The following NCF2 variants were observed in gnomAD, a reference collection of about 807,000 sequenced individuals.
The protein encoded by NCF2 is neutrophil cytosol factor 2.
NCF2 carries 45 observed loss-of-function variants against 70.9 expected under a neutral mutation model. The observed-to-expected ratio is 0.63, with a 90% CI of 0.50 to 0.81. NCF2 has a LOEUF of 0.81. Ranked by LOEUF, NCF2 falls within the 40% of genes least tolerant of loss-of-function variation. NCF2 has a pLI of 0.00. For synonymous variants in NCF2, 203 were observed against 233.6 expected, an observed-to-expected ratio of 0.87 and a Z score of 1.19; for missense variants, 522 against 631.6, an observed-to-expected ratio of 0.83 and a Z score of 1.86.
chr1:183,569,648 G>A (rs190318522), intron 6 of NCF2, among the ~76,000 whole-genome samples: 53 of 152,278 alleles, frequency 3.5e-4, no homozygotes, highest in African/African-American at 1.2e-3. Flanking sequence ...GAGTGCAGTG[G>A]CGCGATCTTG....
chr1:183,556,574 C>G (rs1572142860), intron 14 of NCF2, among the ~76,000 whole-genome samples: 1 of 152,242 alleles, frequency 6.6e-6, no homozygotes, highest in Admixed American at 6.5e-5. Flanking sequence ...CACTGTCACC[C>G]AGGCTGGAGT....
intron 2 of NCF2, among the ~76,000 whole-genome samples, chr1:183,577,938 T>A (rs1260051340): frequency 1.3e-5 from 2 of 152,196 alleles, no homozygotes; most frequent in East Asian, 3.8e-4. Flanking sequence ...GAGTGCCTCG[T>A]CTTGGACAGT....
chr1:183,587,017 CAGTG>C, intron 1 of NCF2, 40 bp from the exon 2 acceptor site: 1 of 1,574,192 alleles, frequency 6.4e-7, no homozygotes, highest in Non-Finnish European at 8.7e-7. Context: ...TGATGCAAGG[CAGTG>C]AGGAGGTGTG....
At chr1:183,580,560 G>A (rs1308934272) in intron 2 of NCF2, among the ~76,000 whole-genome samples, 2 of 152,146 alleles carry the variant, frequency 1.3e-5, no homozygotes, top group African/African-American at 2.4e-5. Flanking sequence ...ACCTACCAAC[G>A]TGCCTTCCTC....
At chr1:183,569,448 T>A (rs1672451090) in intron 6 of NCF2, among the ~76,000 whole-genome samples, 1 of 152,218 alleles carries the variant, frequency 6.6e-6, no homozygotes, top group Non-Finnish European at 1.5e-5. Flanking sequence ...TTCTGGAGGT[T>A]AGCAGTCACA....
At chr1:183,579,562 T>TAAAAATAA (rs1294041085) in intron 2 of NCF2, among the ~76,000 whole-genome samples, 80 of 151,412 alleles carry the variant, frequency 5.3e-4, no homozygotes, top group African/African-American at 1.6e-3. Flanking sequence ...CCATCTCTAC[T>TAAAAATAA]AAAAATAAAA....
intron 9 of NCF2, 68 bp from the exon 10 acceptor site, chr1:183,565,847 A>T: frequency 6.7e-7 from 1 of 1,482,034 alleles, no homozygotes; most frequent in South Asian, 1.1e-5. Context: ...GGATGTGGGG[A>T]AACACCCCTA....
Position 183,574,615 on chromosome 1 carries a change from A to G in NCF2, c.373T>C (p.Tyr125His), listed in dbSNP as rs773422870. ...QFKLFACEVL[Y>H]NIAFMYAKKE... The stretch of plus-strand genomic sequence containing the variant: ...TTGGCATACATGAAAGCAATGTTAT[A>G]TAACACCTAGAAAAGTACAGACCGC... Residue 125 changes from tyrosine to histidine, a missense_variant, in exon 4 of 15, where the codon TAT becomes CAT. Physicochemically the swap from Tyr to His is moderately conservative, Grantham distance 83. Coordinates refer to ENST00000367535, the MANE Select transcript of NCF2 (RefSeq NM_000433.4). 3.7e-6 allele frequency: 6 copies of G among 1,614,092 alleles called. No individual in the cohort carries two copies. The highest frequency in any genetic ancestry group is 2.2e-5 in the East Asian group (1 of 44,896).
intron 3 of NCF2, among the ~76,000 whole-genome samples, chr1:183,574,924 A>C (rs1182603729): frequency 6.6e-6 from 1 of 152,270 alleles, no homozygotes; most frequent in East Asian, 1.9e-4. Context: ...CAGGTTAAAA[A>C]AAAGAAGAAG....
chr1:183,561,935 C>T (rs1164502682), intron 13 of NCF2, among the ~76,000 whole-genome samples: 2 of 151,430 alleles, frequency 1.3e-5, no homozygotes, highest in South Asian at 2.1e-4. Context: ...GCTGGGACTA[C>T]AGGTGCACAC....
At position 183,584,710 on chromosome 1, in the gene NCF2, C is replaced by G. The variant is rs184937641; in HGVS notation, c.257+2185G>C. On this transcript the variant is annotated intron_variant, in intron 2 of 14. Transcript: ENST00000367535. ...GGCTGAAGGATTTGTTGTTAGGCCT[C>G]CCTGCATATTCTATAGTCTGGAGAC... Among the ~76,000 whole-genome samples the G allele has an allele frequency of 3.9e-5, 6 of 152,104 alleles. No individual in the cohort carries two copies. In the East Asian group the frequency reaches 1.2e-3, roughly 29 times the overall value.
chr1:183,599,411 TTTCTTTCTTTCC>T, the NCF2 span, among the ~76,000 whole-genome samples: 628 of 132,732 alleles, frequency 4.7e-3, 4 homozygotes, highest in Non-Finnish European at 6.5e-3. Context: ...TTTTTCTTTC[TTTCTTTCTTTCC>T]TTCTTTCTTT....
chr1:183,569,359 A>G, intron 6 of NCF2, 174 bp from the exon 7 acceptor site: 1 of 675,488 alleles, frequency 1.5e-6, no homozygotes, highest in South Asian at 1.6e-5. Flanking sequence ...CTGACTAAAC[A>G]CTGGGAAATA....
intron 9 of NCF2, among the ~76,000 whole-genome samples, chr1:183,566,689 G>A (rs1351316582): frequency 6.6e-6 from 1 of 152,234 alleles, no homozygotes; most frequent in East Asian, 1.9e-4. Flanking sequence ...TCACAGAGGT[G>A]GGTGGGCCCA....
chr1:183,594,724 G>A (rs947227792), upstream of NCF2, among the ~76,000 whole-genome samples: 2 of 152,090 alleles, frequency 1.3e-5, no homozygotes, highest in African/African-American at 4.8e-5. Context: ...CATATGATTG[G>A]TTAACACTAC....
At chr1:183,573,873 T>C (rs1226647871) in intron 4 of NCF2, among the ~76,000 whole-genome samples, 1 of 152,254 alleles carries the variant, frequency 6.6e-6, no homozygotes, top group Admixed American at 6.5e-5. Flanking sequence ...GCAGATCACC[T>C]GAGGTCAGCA....
chr1:183,601,144 C>G, the NCF2 span, among the ~76,000 whole-genome samples: 1 of 152,192 alleles, frequency 6.6e-6, no homozygotes, highest in Non-Finnish European at 1.5e-5. Context: ...GTATTCTTCC[C>G]TCAGAGAAGA....
chr1:183,561,687 C>T (rs1672057340), intron 13 of NCF2, among the ~76,000 whole-genome samples: 1 of 147,866 alleles, frequency 6.8e-6, no homozygotes. Context: ...ACCATGTTGG[C>T]CAGGCTGGTC....
chr1:183,569,018 A>G lies in NCF2; in HGVS notation c.713+124T>C, dbSNP rs748429825. 16 of 896,184 alleles carry G rather than the reference A, an allele frequency of 1.8e-5. 1 individual carries two copies. In the Admixed American group the frequency reaches 2.7e-4, roughly 15 times the overall value. 55.5% of individuals were successfully genotyped at this position (896,184 alleles called of 1,614,324 possible). A position where few individuals can be genotyped will look rare whatever the true frequency, so the allele number is the denominator to read the frequency against. Reference sequence around the variant, plus strand: ...AGCCTGACATTCTAGAAGAAGCCTGACATTCCAGAAAATTCAACAAGATTT... The same window carrying G: ...AGCCTGACATTCTAGAAGAAGCCTGGCATTCCAGAAAATTCAACAAGATTT... On this transcript the variant is annotated intron_variant, in intron 7 of 14. Transcript: ENST00000367535.
Sources: allele counts gnomAD v4.1 joint callset (sites outside exome capture counted in the v4.1 genomes callset), GRCh38; gene constraint gnomAD v4.1.1; transcripts MANE v1.5; gene names NCBI Gene and HGNC (gene_info 2026-07-23, HGNC 2026-07-21).